The following GKAP1 variants were observed in gnomAD, a reference collection of about 807,000 sequenced individuals.
The protein encoded by GKAP1 is G kinase anchoring protein 1.
In GKAP1, 31 loss-of-function variants were observed where a neutral mutation model predicts 56.7. The observed-to-expected ratio is 0.55, with a 90% CI of 0.41 to 0.74. The LOEUF is 0.74. GKAP1 is among the 30% of genes least tolerant of loss of function. The pLI, the probability that GKAP1 is intolerant of heterozygous loss-of-function variation, is 0.00. For synonymous variants in GKAP1, 151 were observed against 138.6 expected, an observed-to-expected ratio of 1.09 and a Z score of -0.63; for missense variants, 364 against 402.3, an observed-to-expected ratio of 0.90 and a Z score of 0.82.
At chr9:83,777,408 C>A (rs957162053) in intron 7 of GKAP1, among the ~76,000 whole-genome samples, 1 of 151,904 alleles carries the variant, frequency 6.6e-6, no homozygotes, top group Non-Finnish European at 1.5e-5. Flanking sequence ...TTCAGTCCAA[C>A]AGAAGAAAAA....
chr9:83,764,176 G>T (rs1368612075), intron 8 of GKAP1, among the ~76,000 whole-genome samples: 1 of 152,108 alleles, frequency 6.6e-6, no homozygotes, highest in Admixed American at 6.6e-5. Context: ...TTGGTGATAC[G>T]GTTTGGCTCT....
chr9:83,763,641 A>G (rs955888631), intron 8 of GKAP1, among the ~76,000 whole-genome samples: 1 of 152,164 alleles, frequency 6.6e-6, no homozygotes, highest in African/African-American at 2.4e-5. Context: ...TCTCCTCACA[A>G]AGCCATCTCT....
chr9:83,810,972 G>A (rs1227880160), intron 2 of GKAP1, among the ~76,000 whole-genome samples: 3 of 152,150 alleles, frequency 2.0e-5, no homozygotes, highest in Non-Finnish European at 4.4e-5. Flanking sequence ...GACTGTACTG[G>A]AGGCAACTGT....
At chr9:83,739,958 C>A (rs1943179169) in intron 12 of GKAP1, among the ~76,000 whole-genome samples, 1 of 152,014 alleles carries the variant, frequency 6.6e-6, no homozygotes, top group Non-Finnish European at 1.5e-5. Context: ...AAAGTTACTT[C>A]TATTTGAATA....
intron 8 of GKAP1, among the ~76,000 whole-genome samples, chr9:83,766,971 A>T (rs1943674373): frequency 6.6e-6 from 1 of 152,232 alleles, no homozygotes; most frequent in African/African-American, 2.4e-5. Flanking sequence ...GTTCATGGGG[A>T]CATTAGTGAA....
At chr9:83,799,806 A>C (rs1261773794) in intron 3 of GKAP1, among the ~76,000 whole-genome samples, 3 of 151,936 alleles carry the variant, frequency 2.0e-5, no homozygotes, top group Non-Finnish European at 4.4e-5. Context: ...ATACAACAAC[A>C]ACAAAAAAAC....
intron 1 of GKAP1, 80 bp downstream of exon 1, chr9:83,817,437 G>C (rs866764969): frequency 4.0e-5 from 6 of 151,882 alleles, no homozygotes; most frequent in African/African-American, 1.4e-4. Flanking sequence ...GCGCCGAGGG[G>C]AGCGCTGTCG....
chr9:83,777,738 T>C (rs1178421468), intron 7 of GKAP1, among the ~76,000 whole-genome samples: 2 of 152,134 alleles, frequency 1.3e-5, no homozygotes, highest in Non-Finnish European at 2.9e-5. Flanking sequence ...CTAAGTAATA[T>C]ATTAAAGATG....
intron 8 of GKAP1, among the ~76,000 whole-genome samples, chr9:83,759,596 A>C (rs1245556302): frequency 6.6e-6 from 1 of 152,228 alleles, no homozygotes; most frequent in East Asian, 1.9e-4. Flanking sequence ...TATTACAAAC[A>C]ACTGAGTTTT....
chr9:83,755,627 G>A (rs1490089305), intron 8 of GKAP1, among the ~76,000 whole-genome samples: 2 of 151,002 alleles, frequency 1.3e-5, no homozygotes, highest in East Asian at 3.9e-4. Flanking sequence ...AAATGGAAAA[G>A]ATTGGTAGAT....
chr9:83,810,750 A>G (rs1397864861), intron 2 of GKAP1, among the ~76,000 whole-genome samples: 1 of 152,244 alleles, frequency 6.6e-6, no homozygotes. Context: ...TAATATACAT[A>G]AAGTACTTAG....
intron 3 of GKAP1, among the ~76,000 whole-genome samples, chr9:83,801,110 T>C (rs1002520306): frequency 2.6e-5 from 4 of 152,154 alleles, no homozygotes; most frequent in African/African-American, 7.2e-5. Flanking sequence ...CTGAATTAGG[T>C]TGGGCCCTAA....
At chr9:83,755,835 G>A (rs983665941) in intron 8 of GKAP1, among the ~76,000 whole-genome samples, 28 of 129,916 alleles carry the variant, frequency 2.2e-4, no homozygotes, top group Admixed American at 2.7e-4. Flanking sequence ...ACGAAGTCTC[G>A]ATCTTATCTC....
At chr9:83,759,493 G>A (rs1361474817) in intron 8 of GKAP1, among the ~76,000 whole-genome samples, 1 of 151,900 alleles carries the variant, frequency 6.6e-6, no homozygotes, top group Non-Finnish European at 1.5e-5. Context: ...TTATTATTTG[G>A]TGACTTATGT....
chr9:83,802,371 C>T (rs936071564), intron 3 of GKAP1, among the ~76,000 whole-genome samples: 51 of 122,504 alleles, frequency 4.2e-4, no homozygotes, highest in African/African-American at 1.7e-3. Flanking sequence ...CCCAGCTACT[C>T]GAGAGGCTGA....
At chr9:83,744,823 C>G (rs1448601466) in intron 10 of GKAP1, among the ~76,000 whole-genome samples, 1 of 152,142 alleles carries the variant, frequency 6.6e-6, no homozygotes, top group East Asian at 1.9e-4. Context: ...AGGAAACTTA[C>G]AATCATAGTA....
At chr9:83,785,155 C>T (rs1015943685) in intron 5 of GKAP1, among the ~76,000 whole-genome samples, 3 of 152,104 alleles carry the variant, frequency 2.0e-5, no homozygotes, top group Non-Finnish European at 4.4e-5. Context: ...TGAAATCTGG[C>T]TTCTGCTGGT....
At chr9:83,807,065 C>A (rs1008212182) in intron 2 of GKAP1, among the ~76,000 whole-genome samples, 1 of 152,088 alleles carries the variant, frequency 6.6e-6, no homozygotes, top group Non-Finnish European at 1.5e-5. Flanking sequence ...GAACTGACAG[C>A]AAAAATAAAG....
chr9:83,806,199 C>T, intron 3 of GKAP1, 103 bp downstream of exon 3: 1 of 677,334 alleles, frequency 1.5e-6, no homozygotes, highest in Non-Finnish European at 2.5e-6. Flanking sequence ...TTCAGAGTAC[C>T]TGTGGAACAG....
Sources: gnomAD v4.1 joint callset for allele counts (sites outside exome capture counted in the v4.1 genomes callset) on GRCh38, gnomAD v4.1.1 for gene constraint, MANE v1.5 for transcripts, NCBI Gene and HGNC (gene_info 2026-07-23, HGNC 2026-07-21) for gene names.